The following GLI2 variants were observed in gnomAD, a reference collection of about 807,000 sequenced individuals.
The protein encoded by GLI2 is transcription activator GLI2.
Under a neutral mutation model 78.9 loss-of-function variants are expected in GLI2, and 22 were observed. That is an observed-to-expected ratio of 0.28 (90% confidence interval 0.20 to 0.40). The LOEUF (loss-of-function observed/expected upper bound fraction) is 0.40, where lower values mean the gene tolerates loss of function less well. Among genes scored for constraint, GLI2 ranks in the 10% least tolerant of loss-of-function variants. The pLI is 1.00. For missense variants in GLI2, 2,097 were observed against 2,213.2 expected, an observed-to-expected ratio of 0.95 and a Z score of 1.05; for synonymous variants, 974 against 963.7, an observed-to-expected ratio of 1.01 and a Z score of -0.20.
At position 120,957,868 on chromosome 2, in the gene GLI2, A is replaced by T. The variant is rs182775307; in HGVS notation, c.643+2438A>T. On this transcript the variant is annotated intron_variant, in intron 5 of 13. Transcript: ENST00000361492. ...ATATGCTCCTTACTTTAAGATGAGC[A>T]AATGGGCTCCCAGCATCTAGCGGCT... 2.3e-3 allele frequency among the ~76,000 whole-genome samples: 349 copies of T among 152,398 alleles called. 1 individual carries two copies. Among genetic ancestry groups the T allele is most frequent in the African/African-American group, 8.2e-3 (340 of 41,604 alleles).
At position 120,948,704 on chromosome 2, in the gene GLI2, A is replaced by G. The variant is rs186660285; in HGVS notation, c.255-2539A>G. Among the ~76,000 whole-genome samples, 152 of 152,200 alleles carry G rather than the reference A, an allele frequency of 1.0e-3. 1 individual carries two copies. The highest frequency in any genetic ancestry group is 7.2e-3 in the East Asian group (37 of 5,168). ...GTAGCTTGAAATCCCCACGTGATCAATGGCTATCGCAGGGGGCCTCAGCTG... is the reference window on the plus strand; with the variant it reads ...GTAGCTTGAAATCCCCACGTGATCAGTGGCTATCGCAGGGGGCCTCAGCTG... On this transcript the variant is annotated intron_variant, in intron 3 of 13. Transcript: ENST00000361492.
intron 8 of GLI2, among the ~76,000 whole-genome samples, chr2:120,972,387 A>G (rs1165917481): frequency 6.6e-6 from 1 of 152,218 alleles, no homozygotes; most frequent in African/African-American, 2.4e-5. Flanking sequence ...CACCAGCCAC[A>G]GCCTAGTTGA....
chr2:120,820,281 C>CT lies in GLI2; in HGVS notation c.148+22815dup, dbSNP rs1242750040. Among the ~76,000 whole-genome samples the CT allele has an allele frequency of 1.1e-4, 16 of 152,344 alleles. No homozygotes were observed. The South Asian group carries it at 1.7e-3, about 16-fold the overall frequency. On this transcript the variant is annotated intron_variant, in intron 2 of 13. Transcript: ENST00000361492. ...TCTCAGCCATCCCAGGCTTTGCTTT[C>CT]TTGCCGAGTCTAAACTCTCAGCTGT...
intron 2 of GLI2, among the ~76,000 whole-genome samples, chr2:120,836,288 G>T (rs1478526144): frequency 6.6e-6 from 1 of 152,088 alleles, no homozygotes; most frequent in Non-Finnish European, 1.5e-5. Context: ...GCCCATACAG[G>T]GTGGGTTTCA....
rs1688719076 is a variant in GLI2 at position 120,876,014 on chromosome 2, G to A, written c.149-51347G>A. On this transcript the variant is annotated intron_variant, in intron 2 of 13. Transcript: ENST00000361492. ...GTGCTGAGACAATTGGTTATGGAGG[G>A]GAAAAGTTAAAGCCATGCCAAATGC... Among the ~76,000 whole-genome samples, 3 of 152,234 alleles carry A rather than the reference G, an allele frequency of 2.0e-5. No individual in the cohort carries two copies. In the South Asian group the frequency reaches 6.2e-4, roughly 32 times the overall value.
intron 2 of GLI2, among the ~76,000 whole-genome samples, chr2:120,849,753 A>G (rs772435595): frequency 2.0e-5 from 3 of 152,256 alleles, no homozygotes; most frequent in Admixed American, 1.3e-4. Flanking sequence ...CAACGTCCAC[A>G]TGGACGACTG....
At chr2:120,886,411 G>A (rs889016285) in intron 2 of GLI2, among the ~76,000 whole-genome samples, 5 of 151,940 alleles carry the variant, frequency 3.3e-5, no homozygotes, top group East Asian at 1.9e-4. Context: ...GACCACAGGC[G>A]CGCACCACCA....
At chr2:120,768,494 TG>T (rs1361686020) in intron 1 of GLI2, among the ~76,000 whole-genome samples, 2 of 152,332 alleles carry the variant, frequency 1.3e-5, no homozygotes, top group Non-Finnish European at 2.9e-5. Context: ...GGCCCGCTGC[TG>T]GGAACAGAAG....
chr2:120,753,091 G>GTTT (rs1330986498), intron 1 of GLI2, among the ~76,000 whole-genome samples: 2 of 125,880 alleles, frequency 1.6e-5, no homozygotes, highest in African/African-American at 6.6e-5. Flanking sequence ...TTTTCTGTAC[G>GTTT]TATTTTTTTT....
rs577937673 is a variant in GLI2 at position 120,772,136 on chromosome 2, C to T, written c.-30-25155C>T. 3.3e-5 allele frequency among the ~76,000 whole-genome samples: 5 copies of T among 152,256 alleles called. No individual in the cohort carries two copies. The East Asian group carries it at 9.7e-4, about 29-fold the overall frequency. On this transcript the variant is annotated intron_variant, in intron 1 of 13. Transcript: ENST00000361492. ...TGATTGATAGAGATTGCCTGGTGCC[C>T]TGAGTGAGAAGGACCCCAGGGGCTG...
Position 120,968,855 on chromosome 2 carries a change from A to T in GLI2, c.785A>T (p.Asn262Ile). ...AACTCGCTAGTGGCCTACATCAACA[A>T]CTCCCGAAGCAGCTCGGCGGCCAGC... The part of the protein sequence containing the change: ...SPNSLVAYIN[N>I]SRSSSAASGS... Residue 262 changes from asparagine to isoleucine, a missense_variant, in exon 6 of 14, where the codon AAC becomes ATC. By Grantham distance (149) the Asn-to-Ile change is moderately radical (BLOSUM62 -3). This residue lies in a region of GLI2 where 578 missense variants were observed against 612.0 expected (regional missense o/e 0.94). Coordinates refer to ENST00000361492, the MANE Select transcript of GLI2 (RefSeq NM_001374353.1). 1 of 1,613,536 alleles carries T rather than the reference A, an allele frequency of 6.2e-7. No individual in the cohort carries two copies. Among genetic ancestry groups the T allele is most frequent in the Non-Finnish European group, 8.5e-7 (1 of 1,179,962 alleles).
chr2:120,811,496 T>C (rs1685238874), intron 2 of GLI2, among the ~76,000 whole-genome samples: 4 of 152,108 alleles, frequency 2.6e-5, no homozygotes, highest in African/African-American at 7.2e-5. Context: ...CCTTAAAGAA[T>C]GAGAGAGCTA....
intron 2 of GLI2, among the ~76,000 whole-genome samples, chr2:120,839,165 A>G (rs927996606): frequency 1.3e-5 from 2 of 152,200 alleles, no homozygotes; most frequent in Admixed American, 6.5e-5. Context: ...AAATATTTGC[A>G]TACCGTATGG....
chr2:120,736,917 G>T (rs1335162942), intron 1 of GLI2, among the ~76,000 whole-genome samples: 1 of 147,332 alleles, frequency 6.8e-6, no homozygotes, highest in East Asian at 2.0e-4. Context: ...CCTGCCCTCG[G>T]CCCTGAGATC....
intron 2 of GLI2, among the ~76,000 whole-genome samples, chr2:120,897,087 G>A (rs1276753292): frequency 6.6e-6 from 1 of 152,248 alleles, no homozygotes; most frequent in African/African-American, 2.4e-5. Flanking sequence ...CCATGGGGCT[G>A]CCTGCGGGCA....
chr2:120,941,272 C>G (rs1443030564), intron 3 of GLI2, among the ~76,000 whole-genome samples: 4 of 152,214 alleles, frequency 2.6e-5, no homozygotes, highest in African/African-American at 9.6e-5. Context: ...AAATGCAAAT[C>G]CCCTTAGTAC....
chr2:120,901,273 A>G (rs148808511), intron 2 of GLI2, among the ~76,000 whole-genome samples: 2 of 152,318 alleles, frequency 1.3e-5, no homozygotes, highest in African/African-American at 4.8e-5. Context: ...TAAAAGATAA[A>G]TTATGGCGGG....
intron 2 of GLI2, among the ~76,000 whole-genome samples, chr2:120,903,658 A>C (rs1402074897): frequency 6.6e-6 from 1 of 152,146 alleles, no homozygotes; most frequent in East Asian, 1.9e-4. Flanking sequence ...TCATTTCCAG[A>C]GCGGGTACTG....
intron 1 of GLI2, among the ~76,000 whole-genome samples, chr2:120,772,957 T>C (rs2104659618): frequency 6.6e-6 from 1 of 152,338 alleles, no homozygotes; most frequent in Non-Finnish European, 1.5e-5. Context: ...CTCCTTGATA[T>C]TTTAGCATAA....
Sources: gnomAD v4.1 joint callset for allele counts (sites outside exome capture counted in the v4.1 genomes callset) on GRCh38, gnomAD v4.1.1 for gene constraint, gnomAD v4.1.1 regional missense constraint, MANE v1.5 for transcripts, NCBI Gene and HGNC (gene_info 2026-07-23, HGNC 2026-07-21) for gene names.